The following KLHL1 variants were observed in gnomAD, a reference collection of about 807,000 sequenced individuals.
KLHL1 encodes kelch like family member 1.
KLHL1 carries 47 observed loss-of-function variants against 77.7 expected under a neutral mutation model. The observed-to-expected ratio is 0.60, with a 90% CI of 0.48 to 0.77. The LOEUF (loss-of-function observed/expected upper bound fraction) is 0.77, where lower values mean the gene tolerates loss of function less well. Ranked by LOEUF, KLHL1 falls within the 30% of genes least tolerant of loss-of-function variation. KLHL1 has a pLI of 0.00. For synonymous variants in KLHL1, 360 were observed against 325.2 expected, an observed-to-expected ratio of 1.11 and a Z score of -1.15; for missense variants, 925 against 910.8, an observed-to-expected ratio of 1.02 and a Z score of -0.20.
intron 7 of KLHL1, among the ~76,000 whole-genome samples, chr13:69,768,421 G>T (rs1211328885): frequency 6.6e-6 from 1 of 152,074 alleles, no homozygotes; most frequent in Non-Finnish European, 1.5e-5. Context: ...AGTGAACAAA[G>T]CATGGAGGAA....
intron 6 of KLHL1, among the ~76,000 whole-genome samples, chr13:69,821,419 A>G (rs775538810): frequency 6.6e-6 from 1 of 152,044 alleles, no homozygotes; most frequent in Non-Finnish European, 1.5e-5. Flanking sequence ...GGTTCAAGCA[A>G]TTCTCATGCC....
intron 6 of KLHL1, among the ~76,000 whole-genome samples, chr13:69,801,759 CTA>C (rs1364682376): frequency 1.3e-5 from 2 of 151,720 alleles, no homozygotes; most frequent in Non-Finnish European, 2.9e-5. Context: ...TTATTATAGA[CTA>C]TATGTTAGTT....
intron 5 of KLHL1, among the ~76,000 whole-genome samples, chr13:69,869,041 C>A (rs912781231): frequency 6.6e-6 from 1 of 151,972 alleles, no homozygotes; most frequent in Non-Finnish European, 1.5e-5. Context: ...GATAAGGAAG[C>A]TAACGGCAGC....
chr13:70,003,590 G>C (rs748901709), intron 1 of KLHL1, among the ~76,000 whole-genome samples: 6 of 151,702 alleles, frequency 4.0e-5, no homozygotes, highest in Non-Finnish European at 7.4e-5. Context: ...GAAATAAAGT[G>C]AGTTTAATTG....
At chr13:70,039,075 T>TTG (rs1491451220) in intron 1 of KLHL1, among the ~76,000 whole-genome samples, 28 of 118,064 alleles carry the variant, frequency 2.4e-4, no homozygotes, top group African/African-American at 9.8e-4. Context: ...TTTTTTTTTT[T>TTG]GTAATGGACA....
At chr13:70,093,583 T>C (rs567768771) in intron 1 of KLHL1, among the ~76,000 whole-genome samples, 2 of 152,288 alleles carry the variant, frequency 1.3e-5, no homozygotes, top group East Asian at 1.9e-4. Context: ...ATAAGAAAAA[T>C]ATATTTATAG....
At chr13:70,018,071 A>G (rs7998782) in intron 1 of KLHL1, among the ~76,000 whole-genome samples, 35,434 of 152,048 alleles carry the variant, frequency 0.23, 4,600 homozygotes, top group East Asian at 0.55. Context: ...TTGAAAATTT[A>G]TCTTTAAATC....
intron 7 of KLHL1, among the ~76,000 whole-genome samples, chr13:69,745,882 T>C (rs1305609385): frequency 6.6e-6 from 1 of 151,766 alleles, no homozygotes; most frequent in East Asian, 1.9e-4. Context: ...GAAATATCAA[T>C]TGAGATGGTA....
intron 1 of KLHL1, among the ~76,000 whole-genome samples, chr13:70,006,495 C>T (rs972735589): frequency 4.0e-5 from 5 of 123,914 alleles, no homozygotes; most frequent in Non-Finnish European, 8.4e-5. Flanking sequence ...AAAGTATTCC[C>T]CCTCAAGTTT....
At chr13:70,009,357 T>G (rs1885477390) in intron 1 of KLHL1, among the ~76,000 whole-genome samples, 1 of 152,120 alleles carries the variant, frequency 6.6e-6, no homozygotes, top group Non-Finnish European at 1.5e-5. Flanking sequence ...AAGAAAACAC[T>G]AGGTGTTGCA....
At chr13:69,858,617 GTT>G (rs1157082335) in intron 5 of KLHL1, among the ~76,000 whole-genome samples, 2 of 151,870 alleles carry the variant, frequency 1.3e-5, no homozygotes, top group Non-Finnish European at 1.5e-5. Context: ...ATAGATACAA[GTT>G]TTTTTCTGAA....
intron 1 of KLHL1, among the ~76,000 whole-genome samples, chr13:69,985,775 C>CATATAT (rs59958813): frequency 1.4e-5 from 2 of 140,550 alleles, no homozygotes. Context: ...AAATGTGATC[C>CATATAT]ATATATATAT....
intron 4 of KLHL1, among the ~76,000 whole-genome samples, chr13:69,930,526 T>C (rs1268727180): frequency 6.6e-6 from 1 of 151,784 alleles, no homozygotes; most frequent in African/African-American, 2.4e-5. Context: ...ATTAAGAAAA[T>C]ACAATTTGTG....
At chr13:69,934,409 C>T (rs995039749) in intron 4 of KLHL1, among the ~76,000 whole-genome samples, 13 of 152,064 alleles carry the variant, frequency 8.5e-5, no homozygotes, top group African/African-American at 3.1e-4. Context: ...TACATACATA[C>T]ATATATAGGC....
chr13:70,055,425 T>A (rs1450514494), intron 1 of KLHL1, among the ~76,000 whole-genome samples: 1 of 152,106 alleles, frequency 6.6e-6, no homozygotes, highest in African/African-American at 2.4e-5. Context: ...TAAAAGGAGT[T>A]CTTCAATTTG....
At chr13:69,926,574 T>C (rs939228145) in intron 4 of KLHL1, among the ~76,000 whole-genome samples, 1 of 152,072 alleles carries the variant, frequency 6.6e-6, no homozygotes, top group Non-Finnish European at 1.5e-5. Context: ...AGCTGGCTAT[T>C]TGCAGAAATT....
At chr13:69,946,650 T>C (rs531164385) in intron 3 of KLHL1, among the ~76,000 whole-genome samples, 2 of 152,168 alleles carry the variant, frequency 1.3e-5, no homozygotes, top group South Asian at 2.1e-4. Context: ...GTAGGTGAGA[T>C]TACAGGCATG....
At chr13:70,105,008 T>C (rs1349277803) in intron 1 of KLHL1, among the ~76,000 whole-genome samples, 1 of 152,056 alleles carries the variant, frequency 6.6e-6, no homozygotes, top group Non-Finnish European at 1.5e-5. Flanking sequence ...CAATTCTCTA[T>C]GAAAATTTAA....
rs372537020 is a variant in KLHL1, at chr13:69,928,537, G to A, written c.1014+11503C>T. ...TAAACAACTCAAATGTCCATCAACC[G>A]ATGAATGGATAAATAAAATGAGGCA... On this transcript the variant is annotated intron_variant, in intron 4 of 10. Transcript: ENST00000377844. 8.1e-4 allele frequency among the ~76,000 whole-genome samples: 124 copies of A among 152,208 alleles called. 1 individual carries two copies. The South Asian group carries it at 0.014, about 17-fold the overall frequency.
Sources: allele counts gnomAD v4.1 joint callset (sites outside exome capture counted in the v4.1 genomes callset), GRCh38; gene constraint gnomAD v4.1.1; transcripts MANE v1.5; gene names NCBI Gene and HGNC (gene_info 2026-07-23, HGNC 2026-07-21).